MGAT5: variants seen among roughly 807,000 people sequenced by gnomAD.
MGAT5 encodes the protein alpha-1,6-mannosylglycoprotein 6-beta-N-acetylglucosaminyltransferase A.
A neutral mutation model predicts 94.3 loss-of-function variants in MGAT5; 30 were observed. The observed-to-expected ratio is 0.32, with a 90% CI of 0.24 to 0.43. MGAT5 has a LOEUF of 0.43. Among genes scored for constraint, MGAT5 ranks in the 20% least tolerant of loss-of-function variants. The pLI, the probability that MGAT5 is intolerant of heterozygous loss-of-function variation, is 1.00. For missense variants in MGAT5, 691 were observed against 905.5 expected, an observed-to-expected ratio of 0.76 and a Z score of 3.04; for synonymous variants, 310 against 322.9, an observed-to-expected ratio of 0.96 and a Z score of 0.43.
chr2:134,423,370 C>T (rs1684404341), intron 13 of MGAT5, among the ~76,000 whole-genome samples: 1 of 152,204 alleles, frequency 6.6e-6, no homozygotes, highest in Non-Finnish European at 1.5e-5. Flanking sequence ...AACTACATTT[C>T]TGGCCTCTTC....
chr2:134,390,680 A>G (rs1682347857), intron 10 of MGAT5, among the ~76,000 whole-genome samples: 1 of 152,236 alleles, frequency 6.6e-6, no homozygotes, highest in African/African-American at 2.4e-5. Context: ...AGTCTGTCTT[A>G]ACAAACACAG....
chr2:134,144,941 G>T lies in MGAT5; in HGVS notation c.-143+24650G>T, dbSNP rs151257775. On this transcript the variant is annotated intron_variant, in intron 1 of 16. Coordinates refer to the MGAT5 transcript ENST00000409645. ...CCAATACGGACAGGCATGAGGTCAC[G>T]CTGGCCTGCTTGGTTCTTTCTAAAT... Among the ~76,000 whole-genome samples, 412 of 152,288 alleles carry T rather than the reference G, an allele frequency of 2.7e-3. 1 individual carries two copies. The highest frequency in any genetic ancestry group is 9.3e-3 in the African/African-American group (385 of 41,544).
At chr2:134,381,519 A>G (rs1162050449) in intron 10 of MGAT5, among the ~76,000 whole-genome samples, 1 of 91,766 alleles carries the variant, frequency 1.1e-5, no homozygotes, top group Admixed American at 1.2e-4. Flanking sequence ...GACCAGACAG[A>G]CAGACAGACA....
At position 134,199,914 on chromosome 2, in the gene MGAT5, C is replaced by T. The variant is rs573688315; in HGVS notation, c.-142-54348C>T. On this transcript the variant is annotated intron_variant, in intron 1 of 16. Transcript: ENST00000409645. The stretch of plus-strand genomic sequence containing the variant: ...AGGTTGTGCAAATGGCAAGAATGAA[C>T]ATGCTTCTTGCCTGCAAGAAGCTTC... Among the ~76,000 whole-genome samples the T allele has an allele frequency of 8.3e-4, 126 of 152,122 alleles. 1 individual carries two copies. Among genetic ancestry groups the T allele is most frequent in the African/African-American group, 2.9e-3 (119 of 41,494 alleles).
intron 2 of MGAT5, among the ~76,000 whole-genome samples, chr2:134,295,852 G>A (rs1427185720): frequency 6.6e-6 from 1 of 152,132 alleles, no homozygotes; most frequent in African/African-American, 2.4e-5. Flanking sequence ...GCTTAAGGGT[G>A]GGGAGATGGG....
intron 1 of MGAT5, among the ~76,000 whole-genome samples, chr2:134,261,164 A>G (rs958997271): frequency 1.3e-5 from 2 of 152,118 alleles, no homozygotes; most frequent in African/African-American, 4.8e-5. Context: ...CAGCACCACT[A>G]CTTCAAGTCT....
rs190906532 is a variant in MGAT5, at chr2:134,350,620, T to C, written c.1246+682T>C. 8.7e-4 allele frequency among the ~76,000 whole-genome samples: 132 copies of C among 152,324 alleles called. 1 individual carries two copies. Among genetic ancestry groups the C allele is most frequent in the Admixed American group, 7.7e-3 (117 of 15,292 alleles). ...TTTCTATAGGATTATTTTCCCACTTTTACCATTTCTTCCTGCTGCTTTCTG... is the reference window on the plus strand; with the variant it reads ...TTTCTATAGGATTATTTTCCCACTTCTACCATTTCTTCCTGCTGCTTTCTG... On this transcript the variant is annotated intron_variant, in intron 9 of 15. Transcript: ENST00000281923.
intron 1 of MGAT5, among the ~76,000 whole-genome samples, chr2:134,141,448 A>G (rs1469678328): frequency 1.5e-5 from 2 of 135,660 alleles, no homozygotes; most frequent in African/African-American, 5.4e-5. Flanking sequence ...TGTTGAATAG[A>G]TAGATGGATA....
Position 134,412,928 on chromosome 2 carries a change from T to C in MGAT5, c.1590T>C (p.Asn530=), listed in dbSNP as rs151078098. The change falls in exon 12 of 16, where the codon AAT becomes AAC. Residue 530 remains asparagine, a synonymous_variant. Transcript: ENST00000281923. ...CAGCTCCCCTGGAAGCTATCGCAAA[T>C]GGATGTGCTTTTCTGAATCCCAAGT... ...EGPAPLEAIA[N]GCAFLNPKFN... 1.8e-5 allele frequency: 29 copies of C among 1,614,148 alleles called. No individual in the cohort carries two copies. In the African/African-American group the frequency reaches 3.6e-4, roughly 20 times the overall value.
At chr2:134,126,448 ATAAAT>A (rs1685843889) in intron 1 of MGAT5, among the ~76,000 whole-genome samples, 1 of 152,248 alleles carries the variant, frequency 6.6e-6, no homozygotes, top group South Asian at 2.1e-4. Context: ...GGCTTGTAAC[ATAAAT>A]TAAATGAAAT....
Position 134,347,030 on chromosome 2 carries a change from G to A in MGAT5, c.1112+1966G>A, listed in dbSNP as rs893620355. ...GTTACGGGAAGGCGAGCTGCCTTGG[G>A]CATCAAAACAAACATCTTTTTAAGT... is the stretch of plus-strand genomic sequence containing the variant. On this transcript the variant is annotated intron_variant, in intron 8 of 15. Coordinates refer to ENST00000281923, the MANE Select transcript of MGAT5 (RefSeq NM_002410.5). Among the ~76,000 whole-genome samples, 10 of 152,106 alleles carry A rather than the reference G, an allele frequency of 6.6e-5. No homozygotes were observed. The East Asian group carries it at 1.9e-3, about 29-fold the overall frequency.
chr2:134,339,720 G>A (rs997222798), intron 6 of MGAT5, among the ~76,000 whole-genome samples: 4 of 152,102 alleles, frequency 2.6e-5, no homozygotes, highest in African/African-American at 9.7e-5. Flanking sequence ...TTTTATGTAA[G>A]TGTTAAACAA....
chr2:134,185,161 A>G (rs1247449743), intron 1 of MGAT5, among the ~76,000 whole-genome samples: 1 of 152,118 alleles, frequency 6.6e-6, no homozygotes, highest in Non-Finnish European at 1.5e-5. Flanking sequence ...TGGGTGAGGG[A>G]CAGAAGACTG....
Position 134,318,758 on chromosome 2 carries a change from C to T in MGAT5, c.573+19C>T. ...CAGTGAGGTGAGTAGCTTTCTGTGG[C>T]TCCTGGGGGTAGATGTGACTGGTTG... On this transcript the variant is annotated intron_variant, in intron 4 of 15. Transcript: ENST00000281923. 2 of 1,564,962 alleles carry T rather than the reference C, an allele frequency of 1.3e-6. No homozygotes were observed. Among genetic ancestry groups the T allele is most frequent in the Non-Finnish European group, 1.8e-6 (2 of 1,135,614 alleles).
intron 1 of MGAT5, among the ~76,000 whole-genome samples, chr2:134,247,254 C>A (rs146287622): frequency 1.3e-3 from 197 of 151,156 alleles, no homozygotes; most frequent in African/African-American, 4.3e-3. Flanking sequence ...GTCAGGCAAG[C>A]AGCCTTGGAA....
At chr2:134,220,654 G>A (rs1360533013) in intron 1 of MGAT5, among the ~76,000 whole-genome samples, 1 of 152,228 alleles carries the variant, frequency 6.6e-6, no homozygotes, top group African/African-American at 2.4e-5. Context: ...GTATGTGTAT[G>A]TGTATGCACG....
intron 1 of MGAT5, among the ~76,000 whole-genome samples, chr2:134,149,054 C>A (rs771791558): frequency 6.6e-6 from 1 of 152,082 alleles, no homozygotes; most frequent in Non-Finnish European, 1.5e-5. Flanking sequence ...CGTGAGCCAC[C>A]GTGCCCAGCC....
chr2:134,142,341 C>G (rs1686696911), intron 1 of MGAT5, among the ~76,000 whole-genome samples: 2 of 152,142 alleles, frequency 1.3e-5, no homozygotes. Context: ...ACAGGCTGAG[C>G]CAAAGAGAAC....
At chr2:134,133,006 T>C (rs1444225597) in intron 1 of MGAT5, among the ~76,000 whole-genome samples, 1 of 152,252 alleles carries the variant, frequency 6.6e-6, no homozygotes, top group Non-Finnish European at 1.5e-5. Flanking sequence ...TAGTGGAAAC[T>C]AACTGGAATT....
Sources: allele counts gnomAD v4.1 joint callset (sites outside exome capture counted in the v4.1 genomes callset), GRCh38; gene constraint gnomAD v4.1.1; transcripts MANE v1.5; gene names NCBI Gene and HGNC (gene_info 2026-07-23, HGNC 2026-07-21).